Variants in SH3GL2 observed in about 807,000 individuals in gnomAD.
The protein encoded by SH3GL2 is SH3 domain containing GRB2 like 2, endophilin A1.
A neutral mutation model predicts 46.0 loss-of-function variants in SH3GL2; 24 were observed. The observed-to-expected ratio is 0.52, with a 90% CI of 0.38 to 0.73. SH3GL2 has a LOEUF of 0.73. SH3GL2 is among the 30% of genes least tolerant of loss of function. The pLI, the probability that SH3GL2 is intolerant of heterozygous loss-of-function variation, is 0.00. For synonymous variants in SH3GL2, 196 were observed against 147.1 expected, an observed-to-expected ratio of 1.33 and a Z score of -2.40; for missense variants, 413 against 424.2, an observed-to-expected ratio of 0.97 and a Z score of 0.23.
chr9:17,757,048 GT>G (rs1823016323), intron 2 of SH3GL2, among the ~76,000 whole-genome samples: 3 of 152,096 alleles, frequency 2.0e-5, no homozygotes, highest in African/African-American at 7.2e-5. Flanking sequence ...TCTCATTGTG[GT>G]TTTCATTTGC....
intron 1 of SH3GL2, among the ~76,000 whole-genome samples, chr9:17,718,014 G>T (rs1202519582): frequency 6.6e-6 from 1 of 152,036 alleles, no homozygotes; most frequent in Non-Finnish European, 1.5e-5. Flanking sequence ...GGTTATTTGG[G>T]CTTGGCTCTT....
At chr9:17,597,125 T>G (rs895771459) in intron 1 of SH3GL2, among the ~76,000 whole-genome samples, 6 of 152,244 alleles carry the variant, frequency 3.9e-5, no homozygotes, top group African/African-American at 1.4e-4. Context: ...AGAGATTTGT[T>G]TTCTTGTGTA....
At chr9:17,703,534 C>T (rs1821389335) in intron 1 of SH3GL2, among the ~76,000 whole-genome samples, 3 of 151,972 alleles carry the variant, frequency 2.0e-5, no homozygotes. Flanking sequence ...TGATGATGAA[C>T]ATAGATGCAA....
At chr9:17,687,392 A>G (rs1820947495) in intron 1 of SH3GL2, among the ~76,000 whole-genome samples, 1 of 152,104 alleles carries the variant, frequency 6.6e-6, no homozygotes, top group African/African-American at 2.4e-5. Context: ...ATTGAAGTAC[A>G]GTATTGTTGC....
intron 1 of SH3GL2, among the ~76,000 whole-genome samples, chr9:17,653,532 C>T (rs1820002557): frequency 1.3e-5 from 2 of 152,036 alleles, no homozygotes; most frequent in Non-Finnish European, 2.9e-5. Flanking sequence ...CCTCATTTGC[C>T]TCATAATTTT....
At chr9:17,609,487 G>T (rs1204193239) in intron 1 of SH3GL2, among the ~76,000 whole-genome samples, 1 of 152,100 alleles carries the variant, frequency 6.6e-6, no homozygotes, top group Non-Finnish European at 1.5e-5. Context: ...ATGGTCTGTG[G>T]TGAGCAGGGG....
rs1369087195 is a variant in SH3GL2, at chr9:17,796,730, T to A, written c.*987T>A. ...TTACCCTGTGTTCTTTGAACATCAT[T>A]TGTGCAGATTCTGCCCTCAATGAGG... On this transcript the variant is annotated 3_prime_UTR_variant, in exon 9 of 9. Coordinates refer to ENST00000380607, the MANE Select transcript of SH3GL2 (RefSeq NM_003026.5). 1 of 152,696 alleles carries A rather than the reference T, an allele frequency of 6.5e-6. No homozygotes were observed. The highest frequency in any genetic ancestry group is 1.9e-4 in the East Asian group (1 of 5,202). 9.5% of individuals were successfully genotyped at this position (152,696 alleles called of 1,614,324 possible).
At chr9:17,711,576 C>A (rs1487331166) in intron 1 of SH3GL2, among the ~76,000 whole-genome samples, 1 of 151,696 alleles carries the variant, frequency 6.6e-6, no homozygotes, top group African/African-American at 2.4e-5. Flanking sequence ...ATATTGTATT[C>A]CTTTTTGTCT....
chr9:17,674,951 G>T (rs937456797), intron 1 of SH3GL2, among the ~76,000 whole-genome samples: 8 of 152,160 alleles, frequency 5.3e-5, no homozygotes, highest in Non-Finnish European at 1.2e-4. Context: ...AAGGGATGGG[G>T]AGTAGACTTC....
intron 1 of SH3GL2, among the ~76,000 whole-genome samples, chr9:17,670,007 G>C (rs1820434676): frequency 6.6e-6 from 1 of 152,146 alleles, no homozygotes; most frequent in Admixed American, 6.6e-5. Flanking sequence ...GGCAGTATCT[G>C]AACATAGGGT....
At chr9:17,741,505 T>G (rs1451469375) in intron 1 of SH3GL2, among the ~76,000 whole-genome samples, 4 of 152,162 alleles carry the variant, frequency 2.6e-5, no homozygotes, top group African/African-American at 9.6e-5. Context: ...ATCACACAGT[T>G]TGTTGAATTT....
At chr9:17,784,850 CT>C (rs1345380315) in intron 3 of SH3GL2, among the ~76,000 whole-genome samples, 1 of 152,118 alleles carries the variant, frequency 6.6e-6, no homozygotes, top group African/African-American at 2.4e-5. Flanking sequence ...GTAATTGAGA[CT>C]ACAGGTGGGC....
chr9:17,589,347 T>G (rs935199996), intron 1 of SH3GL2: 1 of 152,202 alleles, frequency 6.6e-6, no homozygotes, highest in Non-Finnish European at 1.5e-5. Flanking sequence ...CTTTTTAATA[T>G]ATTTTTTATT....
At chr9:17,640,172 C>CAAGTA (rs1479677965) in intron 1 of SH3GL2, among the ~76,000 whole-genome samples, 4 of 145,024 alleles carry the variant, frequency 2.8e-5, no homozygotes, top group African/African-American at 1.0e-4. Context: ...AACTTGTACC[C>CAAGTA]CAGTAAAAAC....
At chr9:17,581,034 C>T (rs1015679792) in intron 1 of SH3GL2, among the ~76,000 whole-genome samples, 1 of 152,168 alleles carries the variant, frequency 6.6e-6, no homozygotes, top group African/African-American at 2.4e-5. Context: ...TCCGTTGTCT[C>T]TTCAGGGTTG....
rs572734526 is a variant in SH3GL2 at position 17,775,644 on chromosome 9, C to T, written c.188-10737C>T. Among the ~76,000 whole-genome samples the T allele has an allele frequency of 1.3e-3, 199 of 152,316 alleles. 1 individual carries two copies. Among genetic ancestry groups the T allele is most frequent in the Non-Finnish European group, 2.7e-3 (181 of 68,034 alleles). Reference sequence around the variant, plus strand: ...TTTGTCCTGCTCAAGATCTCTGCTCCTTTGGGTAATGAGGCTTGGTTTCTA... The same window carrying T: ...TTTGTCCTGCTCAAGATCTCTGCTCTTTTGGGTAATGAGGCTTGGTTTCTA... On this transcript the variant is annotated intron_variant, in intron 3 of 8. Transcript: ENST00000380607.
chr9:17,619,011 CA>C (rs1819069693), intron 1 of SH3GL2, among the ~76,000 whole-genome samples: 1 of 152,022 alleles, frequency 6.6e-6, no homozygotes, highest in Admixed American at 6.5e-5. Context: ...AGTTTAAGTA[CA>C]AAAAAGTAGT....
chr9:17,671,754 GAATT>G (rs956341909), intron 1 of SH3GL2, among the ~76,000 whole-genome samples: 2 of 152,202 alleles, frequency 1.3e-5, no homozygotes, highest in African/African-American at 4.8e-5. Context: ...TTGAAACTGA[GAATT>G]AAAGCTGAAA....
intron 1 of SH3GL2, among the ~76,000 whole-genome samples, chr9:17,675,380 T>G (rs1820580065): frequency 6.6e-6 from 1 of 152,194 alleles, no homozygotes; most frequent in Non-Finnish European, 1.5e-5. Context: ...AACATCTTTC[T>G]TGAGATAAAG....
Sources: allele counts gnomAD v4.1 joint callset (sites outside exome capture counted in the v4.1 genomes callset), GRCh38; gene constraint gnomAD v4.1.1; transcripts MANE v1.5; gene names NCBI Gene and HGNC (gene_info 2026-07-23, HGNC 2026-07-21).